The following ZNF385D variants were observed in gnomAD, a reference collection of about 807,000 sequenced individuals.
ZNF385D encodes zinc finger protein 659.
Under a neutral mutation model 35.8 loss-of-function variants are expected in ZNF385D, and 15 were observed. That is an observed-to-expected ratio of 0.42 (90% CI 0.28 to 0.64). ZNF385D has a LOEUF of 0.64. ZNF385D is among the 30% of genes least tolerant of loss of function. The probability of loss-of-function intolerance (pLI) is 0.23; values close to 1 mark genes in which losing one functional copy is unlikely to be tolerated. For missense variants in ZNF385D, 474 were observed against 494.6 expected, an observed-to-expected ratio of 0.96 and a Z score of 0.39; for synonymous variants, 212 against 186.8, an observed-to-expected ratio of 1.13 and a Z score of -1.10.
intron 2 of ZNF385D, among the ~76,000 whole-genome samples, chr3:22,351,856 G>A (rs1695929849): frequency 6.6e-6 from 1 of 152,144 alleles, no homozygotes; most frequent in Non-Finnish European, 1.5e-5. Context: ...TTGAGTGAGA[G>A]ATTTAAGCTA....
chr3:22,317,782 T>G (rs536608154), intron 2 of ZNF385D, among the ~76,000 whole-genome samples: 1 of 152,278 alleles, frequency 6.6e-6, no homozygotes, highest in African/African-American at 2.4e-5. Context: ...TGAATCAGGC[T>G]GGGCATGGTG....
chr3:22,242,497 T>C (rs1699552268), intron 2 of ZNF385D, among the ~76,000 whole-genome samples: 1 of 150,578 alleles, frequency 6.6e-6, no homozygotes, highest in African/African-American at 2.5e-5. Flanking sequence ...TTCCCCGAAA[T>C]CAATAATTCC....
intron 1 of ZNF385D, among the ~76,000 whole-genome samples, chr3:21,735,820 T>C (rs2125504493): frequency 6.6e-6 from 1 of 152,294 alleles, no homozygotes; most frequent in Middle Eastern, 3.4e-3. Context: ...CTCACAGTCT[T>C]TCTTGTAGGA....
chr3:22,075,621 A>G (rs769105228), intron 3 of ZNF385D, among the ~76,000 whole-genome samples: 3 of 151,816 alleles, frequency 2.0e-5, no homozygotes, highest in Non-Finnish European at 2.9e-5. Context: ...TTAAACTACT[A>G]AAGTTTAAAG....
chr3:21,903,761 A>G (rs1173965579), intron 3 of ZNF385D, among the ~76,000 whole-genome samples: 2 of 152,142 alleles, frequency 1.3e-5, no homozygotes, highest in Non-Finnish European at 1.5e-5. Context: ...AGCTTTGAGT[A>G]AACCCTAATA....
At chr3:21,720,060 T>C (rs1029287524) in intron 1 of ZNF385D, among the ~76,000 whole-genome samples, 2 of 152,164 alleles carry the variant, frequency 1.3e-5, no homozygotes, top group Non-Finnish European at 2.9e-5. Context: ...TAGTGTGGGA[T>C]CTTGAAAAAA....
At chr3:21,732,546 G>A (rs2125494142) in intron 1 of ZNF385D, among the ~76,000 whole-genome samples, 1 of 152,330 alleles carries the variant, frequency 6.6e-6, no homozygotes, top group Admixed American at 6.5e-5. Context: ...ACTCAAGCCA[G>A]CATTTTGTGT....
intron 3 of ZNF385D, among the ~76,000 whole-genome samples, chr3:21,825,798 A>G (rs983481065): frequency 1.3e-5 from 2 of 152,156 alleles, no homozygotes; most frequent in African/African-American, 2.4e-5. Context: ...CGGGCTGCGG[A>G]CCAGAACCAG....
chr3:22,090,959 T>C (rs1168295123), intron 3 of ZNF385D, among the ~76,000 whole-genome samples: 2 of 152,040 alleles, frequency 1.3e-5, no homozygotes, highest in Non-Finnish European at 2.9e-5. Flanking sequence ...GTATACACCA[T>C]ACAAAAAGAC....
At chr3:22,082,579 T>C (rs1014529404) in intron 3 of ZNF385D, among the ~76,000 whole-genome samples, 11 of 152,172 alleles carry the variant, frequency 7.2e-5, no homozygotes, top group African/African-American at 2.7e-4. Context: ...CCACCACAAC[T>C]CAAGGAGGCC....
intron 3 of ZNF385D, among the ~76,000 whole-genome samples, chr3:21,837,964 T>C (rs1695432662): frequency 6.6e-6 from 1 of 151,986 alleles, no homozygotes; most frequent in African/African-American, 2.4e-5. Context: ...GAAAAATTTG[T>C]GGCCACCATG....
intron 2 of ZNF385D, among the ~76,000 whole-genome samples, chr3:22,199,210 C>A (rs1012223899): frequency 2.0e-5 from 3 of 152,056 alleles, no homozygotes; most frequent in Non-Finnish European, 2.9e-5. Flanking sequence ...TCCCCTCCAC[C>A]CTGCTTTTCC....
At chr3:21,839,435 C>A (rs1695526143) in intron 3 of ZNF385D, among the ~76,000 whole-genome samples, 1 of 152,098 alleles carries the variant, frequency 6.6e-6, no homozygotes. Flanking sequence ...CTAGCTTCTT[C>A]TCTAAAATCT....
rs1461292843 is a variant in ZNF385D at position 21,418,098 on chromosome 3, G to A, written c.*3116C>T. On this transcript the variant is annotated 3_prime_UTR_variant, in exon 8 of 8. Transcript: ENST00000281523. ...CCATTTGTCTGGACGATCTGATTGA[G>A]GTGCAACAATGCTTTTTCCAGAGGC... 1 of 152,208 alleles carries A rather than the reference G, an allele frequency of 6.6e-6. No individual in the cohort carries two copies. 9.4% of individuals were successfully genotyped at this position (152,208 alleles called of 1,614,324 possible). A position where few individuals can be genotyped will look rare whatever the true frequency, so the allele number is the denominator to read the frequency against.
rs1023523247 is a variant in ZNF385D at position 22,310,742 on chromosome 3, T to C, written c.106+61708A>G. 2.6e-5 allele frequency among the ~76,000 whole-genome samples: 4 copies of C among 152,042 alleles called. No individual in the cohort carries two copies. The East Asian group carries it at 7.7e-4, about 29-fold the overall frequency. ...ATCTGGAAGTGAAAATTATATACGC[T>C]GTTTTCATTTGTAGAACTTTTATGA... On this transcript the variant is annotated intron_variant, in intron 2 of 5. Coordinates refer to the ZNF385D transcript ENST00000494108.
chr3:22,082,726 C>T (rs371283479), intron 3 of ZNF385D, among the ~76,000 whole-genome samples: 5 of 152,172 alleles, frequency 3.3e-5, no homozygotes, highest in Non-Finnish European at 7.3e-5. Context: ...TGTTTGAGCT[C>T]GGAGAACAAA....
At chr3:22,085,249 T>G (rs916412343) in intron 3 of ZNF385D, among the ~76,000 whole-genome samples, 2 of 151,920 alleles carry the variant, frequency 1.3e-5, no homozygotes, top group Non-Finnish European at 2.9e-5. Flanking sequence ...CTGAAGGAGA[T>G]AGAATCATAA....
At chr3:21,882,458 CT>C (rs1465363560) in intron 3 of ZNF385D, among the ~76,000 whole-genome samples, 3 of 151,914 alleles carry the variant, frequency 2.0e-5, no homozygotes, top group African/African-American at 7.3e-5. Flanking sequence ...CTATTGCAAA[CT>C]TAATAGACTA....
At chr3:22,058,976 G>A (rs77194041) in intron 3 of ZNF385D, among the ~76,000 whole-genome samples, 2,061 of 152,180 alleles carry the variant, frequency 0.014, 43 homozygotes, top group African/African-American at 0.035. Flanking sequence ...ATCGAATTCA[G>A]GGAGATTAAT....
Sources: gnomAD v4.1 joint callset for allele counts (sites outside exome capture counted in the v4.1 genomes callset) on GRCh38, gnomAD v4.1.1 for gene constraint, MANE v1.5 for transcripts, NCBI Gene and HGNC (gene_info 2026-07-23, HGNC 2026-07-21) for gene names.